Variants in RBFOX2 observed in about 807,000 individuals in gnomAD.
RBFOX2 encodes the protein RNA binding fox-1 homolog 2.
In RBFOX2, 10 loss-of-function variants were observed where a neutral mutation model predicts 49.1. The ratio of observed to expected loss-of-function variants is 0.20; its 90% CI spans 0.13 to 0.35. RBFOX2 has a LOEUF of 0.35. Among genes scored for constraint, RBFOX2 ranks in the 10% least tolerant of loss-of-function variants. RBFOX2 has a pLI of 1.00. For missense variants in RBFOX2, 323 were observed against 486.9 expected (o/e 0.66, Z 3.17); for synonymous variants, 183 against 187.4 (o/e 0.98, Z 0.19).
At position 36,013,934 on chromosome 22, in the gene RBFOX2, G is replaced by A. The variant is rs141599986; in HGVS notation, c.186+14306C>T. On this transcript the variant is annotated intron_variant, in intron 1 of 13. Coordinates refer to the RBFOX2 transcript ENST00000438146. ...TTTAGAGTTAGGAATTAACTTACCG[G>A]TAGGGAATCTGGGCGTAAATCCTGG... Among the ~76,000 whole-genome samples the A allele has an allele frequency of 3.7e-4, 56 of 152,128 alleles. No individual in the cohort carries two copies. The East Asian group carries it at 7.1e-3, about 19-fold the overall frequency.
intron 1 of RBFOX2, among the ~76,000 whole-genome samples, chr22:35,896,222 T>C (rs530794637): frequency 1.2e-4 from 18 of 152,182 alleles, no homozygotes; most frequent in Non-Finnish European, 2.2e-4. Context: ...CCTCTGCACA[T>C]CTTCCTCAGT....
chr22:35,960,087 A>C (rs1015855225), intron 1 of RBFOX2, among the ~76,000 whole-genome samples: 1 of 152,210 alleles, frequency 6.6e-6, no homozygotes, highest in Non-Finnish European at 1.5e-5. Context: ...CACAGATACA[A>C]TACGCCAACT....
chr22:36,001,945 T>C (rs1313522861), intron 1 of RBFOX2, among the ~76,000 whole-genome samples: 2 of 152,018 alleles, frequency 1.3e-5, no homozygotes, highest in African/African-American at 4.8e-5. Context: ...GCGCCTATAA[T>C]CCCAGCTACT....
Position 35,897,254 on chromosome 22 carries a change from C to T in RBFOX2, c.-34+41593G>A, listed in dbSNP as rs1039473598. The T allele has an allele frequency of 1.1e-5, 16 of 1,470,414 alleles. No homozygotes were observed. The East Asian group carries it at 2.0e-4, about 19-fold the overall frequency. The allele number at this position is 1,470,414 out of a possible 1,614,324, so 91.1% of individuals were successfully genotyped here. On this transcript the variant is annotated intron_variant, in intron 1 of 13. Coordinates refer to the RBFOX2 transcript ENST00000359369. ...AAAGACACCAAAACCAAGAGTTGCT[C>T]GGGAGGCACTAAATGTTGACGGTCT...
intron 1 of RBFOX2, among the ~76,000 whole-genome samples, chr22:35,893,789 T>A (rs1474879380): frequency 1.3e-5 from 2 of 152,214 alleles, no homozygotes; most frequent in South Asian, 4.1e-4. Context: ...TGCTTTCTGA[T>A]AATTTATAAA....
chr22:35,756,119 C>T (rs1293115100), intron 9 of RBFOX2: 12 of 1,501,836 alleles, frequency 8.0e-6, no homozygotes, highest in Admixed American at 4.1e-5. Context: ...AGGTCAGCAC[C>T]GTAAAATCCG....
chr22:35,795,840 G>A (rs1948694662), intron 2 of RBFOX2, among the ~76,000 whole-genome samples: 1 of 151,982 alleles, frequency 6.6e-6, no homozygotes, highest in Non-Finnish European at 1.5e-5. Flanking sequence ...CTTTGGCCTT[G>A]AATTCAAAGT....
intron 1 of RBFOX2, among the ~76,000 whole-genome samples, chr22:35,948,691 AT>A (rs923304352): frequency 2.6e-5 from 4 of 152,080 alleles, no homozygotes; most frequent in East Asian, 1.9e-4. Flanking sequence ...TCAAAAAAAA[AT>A]TTTTTTTAAT....
At chr22:35,866,083 A>G (rs924776102) in intron 1 of RBFOX2, among the ~76,000 whole-genome samples, 2 of 152,216 alleles carry the variant, frequency 1.3e-5, no homozygotes, top group African/African-American at 2.4e-5. Context: ...CTAGAAAAAT[A>G]GTATATTTTA....
chr22:35,872,506 T>G (rs1400950784), intron 1 of RBFOX2, among the ~76,000 whole-genome samples: 2 of 152,076 alleles, frequency 1.3e-5, no homozygotes, highest in Non-Finnish European at 2.9e-5. Flanking sequence ...GGACAATGAG[T>G]GCAAAGTTTT....
chr22:35,775,841 C>CAAAAAAAAAAAAAAAAAAAAAAAAAA (rs753116056), intron 4 of RBFOX2, among the ~76,000 whole-genome samples: 10 of 56,166 alleles, frequency 1.8e-4, no homozygotes, highest in African/African-American at 2.1e-4. Flanking sequence ...GAATCTGCCT[C>CAAAAAAAAAAAAAAAAAAAAAAAAAA]AAAAAAAAAA....
At chr22:35,955,766 C>A (rs1487842958) in intron 1 of RBFOX2, among the ~76,000 whole-genome samples, 2 of 152,082 alleles carry the variant, frequency 1.3e-5, no homozygotes, top group African/African-American at 4.8e-5. Context: ...TCCTAACAGG[C>A]CACAAGCCAG....
rs1463664425 is a variant in RBFOX2, at chr22:35,840,443, T to C, written c.-225A>G. On this transcript the variant is annotated 5_prime_UTR_variant, in exon 1 of 12. Coordinates refer to ENST00000405409, the Ensembl canonical transcript of RBFOX2. ...TCCTTCTTTCTCCAGCTCCCTCCCA[T>C]ATCTCAGGCAGATGGCTGAAGGAAG... is the stretch of plus-strand genomic sequence containing the variant. 1 of 1,422,970 alleles carries C rather than the reference T, an allele frequency of 7.0e-7. No individual in the cohort carries two copies. Among genetic ancestry groups the C allele is most frequent in the South Asian group, 1.6e-5 (1 of 63,878 alleles). 88.1% of individuals were successfully genotyped at this position (1,422,970 alleles called of 1,614,324 possible). A position where few individuals can be genotyped will look rare whatever the true frequency, so the allele number is the denominator to read the frequency against.
At chr22:35,842,736 T>C (rs2040669689), upstream of RBFOX2, among the ~76,000 whole-genome samples, 2 of 151,966 alleles carry the variant, frequency 1.3e-5, no homozygotes, top group Non-Finnish European at 2.9e-5. Flanking sequence ...GCAGCTACCT[T>C]GACACTTAGG....
chr22:35,855,858 C>T (rs1208440454), intron 1 of RBFOX2, among the ~76,000 whole-genome samples: 3 of 151,978 alleles, frequency 2.0e-5, no homozygotes, highest in Admixed American at 6.6e-5. Flanking sequence ...AGCTCCATCT[C>T]TACCCAGGCC....
intron 1 of RBFOX2, chr22:35,961,434 G>T: frequency 2.1e-6 from 2 of 953,386 alleles, no homozygotes; most frequent in Non-Finnish European, 2.8e-6. Context: ...AGGCATTAAT[G>T]CAGCTCAGCA....
At chr22:35,835,195 G>C (rs1159714680) in intron 1 of RBFOX2, among the ~76,000 whole-genome samples, 1 of 152,038 alleles carries the variant, frequency 6.6e-6, no homozygotes, top group South Asian at 2.1e-4. Context: ...GTTTGGAAAT[G>C]TTGAAAAAAA....
intron 1 of RBFOX2, among the ~76,000 whole-genome samples, chr22:35,867,356 G>T (rs1001677812): frequency 3.3e-5 from 5 of 152,136 alleles, no homozygotes; most frequent in Admixed American, 3.3e-4. Context: ...GAGTACATCT[G>T]CCAGCAGTTT....
At chr22:35,892,831 T>C (rs931301969) in intron 1 of RBFOX2, among the ~76,000 whole-genome samples, 4 of 152,146 alleles carry the variant, frequency 2.6e-5, no homozygotes, top group South Asian at 4.1e-4. Flanking sequence ...GGAAACTGAG[T>C]CTCAGAATAG....
Sources: gnomAD v4.1 joint callset for allele counts (sites outside exome capture counted in the v4.1 genomes callset) on GRCh38, gnomAD v4.1.1 for gene constraint, MANE v1.5 for transcripts, NCBI Gene and HGNC (gene_info 2026-07-23, HGNC 2026-07-21) for gene names.